Variants in DGKB observed in about 807,000 individuals in gnomAD.
DGKB encodes 90 kDa diacylglycerol kinase.
In DGKB, 67 loss-of-function variants were observed where a neutral mutation model predicts 114.3. The observed-to-expected ratio is 0.59, with a 90% CI of 0.48 to 0.72. DGKB has a LOEUF of 0.72. Among genes scored for constraint, DGKB ranks in the 30% least tolerant of loss-of-function variants. The pLI, the probability that DGKB is intolerant of heterozygous loss-of-function variation, is 0.00. For missense variants in DGKB, 907 were observed against 975.2 expected (o/e 0.93, Z 0.93); for synonymous variants, 398 against 323.1 (o/e 1.23, Z -2.49).
chr7:14,314,410 G>C (rs1047468632), intron 23 of DGKB, among the ~76,000 whole-genome samples: 1 of 150,634 alleles, frequency 6.6e-6, no homozygotes, highest in African/African-American at 2.4e-5. Flanking sequence ...TGTATAACTA[G>C]AATAACCAAT....
At chr7:14,682,056 T>TA (rs386409564) in intron 12 of DGKB, among the ~76,000 whole-genome samples, 1 of 27,014 alleles carries the variant, frequency 3.7e-5, no homozygotes, top group African/African-American at 3.4e-4. Flanking sequence ...TCTGCTTAAC[T>TA]TTTTTGGTCT....
chr7:14,824,881 T>C (rs1034103946), intron 2 of DGKB, among the ~76,000 whole-genome samples: 3 of 150,996 alleles, frequency 2.0e-5, no homozygotes, highest in Non-Finnish European at 3.0e-5. Flanking sequence ...ATCCATCCCA[T>C]ATTGACCAGT....
At chr7:14,451,768 G>C (rs566324493) in intron 21 of DGKB, among the ~76,000 whole-genome samples, 1 of 152,072 alleles carries the variant, frequency 6.6e-6, no homozygotes, top group African/African-American at 2.4e-5. Flanking sequence ...TTAAACCAGA[G>C]AAGACTGAAC....
intron 2 of DGKB, among the ~76,000 whole-genome samples, chr7:14,768,019 G>A (rs1295405405): frequency 1.3e-5 from 2 of 151,908 alleles, no homozygotes; most frequent in Non-Finnish European, 2.9e-5. Flanking sequence ...TCAGCTCTCT[G>A]TACACTTACC....
intron 4 of DGKB, among the ~76,000 whole-genome samples, chr7:14,747,922 G>C (rs920146277): frequency 6.6e-6 from 1 of 152,106 alleles, no homozygotes; most frequent in South Asian, 2.1e-4. Flanking sequence ...CTCAGATGTC[G>C]CTGCCAAATT....
At chr7:14,412,747 T>C (rs1438471647) in intron 21 of DGKB, among the ~76,000 whole-genome samples, 1 of 151,784 alleles carries the variant, frequency 6.6e-6, no homozygotes, top group Non-Finnish European at 1.5e-5. Flanking sequence ...TTTGAGAAGC[T>C]GAGGGAAGTG....
chr7:14,663,007 A>C (rs1404612), intron 13 of DGKB, among the ~76,000 whole-genome samples: 1 of 151,780 alleles, frequency 6.6e-6, no homozygotes, highest in Non-Finnish European at 1.5e-5. Context: ...ATGCATAGTT[A>C]TAAGCAATTT....
intron 7 of DGKB, among the ~76,000 whole-genome samples, chr7:14,700,272 G>A (rs868754222): frequency 1.5e-4 from 23 of 150,124 alleles, no homozygotes; most frequent in Middle Eastern, 3.5e-3. Flanking sequence ...GGAGTGCAGT[G>A]GCACGATCTC....
chr7:14,417,638 T>G (rs903758023), intron 21 of DGKB, among the ~76,000 whole-genome samples: 2 of 151,956 alleles, frequency 1.3e-5, no homozygotes, highest in Non-Finnish European at 2.9e-5. Flanking sequence ...CAATTTTGGT[T>G]AAGTTTTTGC....
chr7:14,314,876 CA>C (rs1364321853), intron 23 of DGKB, among the ~76,000 whole-genome samples: 1 of 151,690 alleles, frequency 6.6e-6, no homozygotes, highest in Non-Finnish European at 1.5e-5. Context: ...TAAGGGCAGC[CA>C]GAGAGAAAGG....
Position 14,878,642 on chromosome 7 carries a change from G to T in DGKB, c.-188+23950C>A, listed in dbSNP as rs890834404. ...CGGGCGCCTGTAGTCCCAGCTACTCGGGAGGCTGAGGCAGGAGAATGGCGT... is the reference window on the plus strand; with the variant it reads ...CGGGCGCCTGTAGTCCCAGCTACTCTGGAGGCTGAGGCAGGAGAATGGCGT... On this transcript the variant is annotated intron_variant, in intron 1 of 25. Transcript: ENST00000402815. 5.7e-3 allele frequency among the ~76,000 whole-genome samples: 857 copies of T among 151,290 alleles called. 10 individuals are homozygous for T. Among genetic ancestry groups the T allele is most frequent in the African/African-American group, 0.02 (817 of 41,266 alleles).
intron 20 of DGKB, among the ~76,000 whole-genome samples, chr7:14,566,652 G>A (rs1312690150): frequency 6.6e-6 from 1 of 152,066 alleles, no homozygotes; most frequent in Non-Finnish European, 1.5e-5. Context: ...TAGTCCTACA[G>A]GAGACTTCGA....
At chr7:14,670,043 C>T (rs978371616) in intron 13 of DGKB, among the ~76,000 whole-genome samples, 16 of 152,048 alleles carry the variant, frequency 1.1e-4, no homozygotes, top group Non-Finnish European at 2.4e-4. Context: ...TCATTCTACT[C>T]TGTAGAATAG....
chr7:14,844,754 A>G (rs1586870295), intron 1 of DGKB, among the ~76,000 whole-genome samples: 1 of 152,172 alleles, frequency 6.6e-6, no homozygotes, highest in East Asian at 1.9e-4. Flanking sequence ...TTAATAAGTT[A>G]TAATTGTAAT....
At chr7:14,809,483 C>T (rs1428826463) in intron 2 of DGKB, among the ~76,000 whole-genome samples, 1 of 151,960 alleles carries the variant, frequency 6.6e-6, no homozygotes, top group East Asian at 1.9e-4. Context: ...GTCACCATCC[C>T]CAAGAACATG....
intron 21 of DGKB, among the ~76,000 whole-genome samples, chr7:14,395,320 T>G (rs932388297): frequency 2.0e-5 from 3 of 152,064 alleles, no homozygotes; most frequent in South Asian, 2.1e-4. Context: ...CTGTTTTTCT[T>G]GCTCACACAT....
Position 14,935,761 on chromosome 7 carries a change from T to G in DGKB, c.-188+38935A>C, listed in dbSNP as rs181825696. On this transcript the variant is annotated intron_variant, in intron 1 of 4. Coordinates refer to the DGKB transcript ENST00000437998. Reference sequence around the variant, plus strand: ...CTCTTTTCTCTCCCTTTATCTCTTTTCTCACTCTGTCTTTCTCCCCATTTC... The same window carrying G: ...CTCTTTTCTCTCCCTTTATCTCTTTGCTCACTCTGTCTTTCTCCCCATTTC... 7.9e-5 allele frequency among the ~76,000 whole-genome samples: 12 copies of G among 152,236 alleles called. No individual in the cohort carries two copies. In the East Asian group the frequency reaches 1.9e-3, roughly 25 times the overall value.
intron 21 of DGKB, among the ~76,000 whole-genome samples, chr7:14,397,579 T>G (rs73279073): frequency 0.014 from 2,119 of 152,254 alleles, 45 homozygotes; most frequent in African/African-American, 0.049. Flanking sequence ...TTGCTCATTT[T>G]CTTTAGCCTT....
rs201912194 is a variant in DGKB, at chr7:14,760,228, A to G, written c.71-2497T>C. On this transcript the variant is annotated intron_variant, in intron 2 of 25. Coordinates refer to ENST00000402815, the MANE Select transcript of DGKB (RefSeq NM_001350709.2). ...ATTTGCTGGCATTTTCCATATTGTG[A>G]TCAGAGTTAATTTTTTATGTCATGT... is the stretch of plus-strand genomic sequence containing the variant. 4.0e-5 allele frequency among the ~76,000 whole-genome samples: 6 copies of G among 151,842 alleles called. No individual in the cohort carries two copies. In the East Asian group the frequency reaches 9.7e-4, roughly 24 times the overall value.
Sources: gnomAD v4.1 joint callset for allele counts (sites outside exome capture counted in the v4.1 genomes callset) on GRCh38, gnomAD v4.1.1 for gene constraint, MANE v1.5 for transcripts, NCBI Gene and HGNC (gene_info 2026-07-23, HGNC 2026-07-21) for gene names.